DYNC2I2: variants seen among roughly 807,000 people sequenced by gnomAD.
DYNC2I2 encodes cytoplasmic dynein 2 intermediate chain 2.
A neutral mutation model predicts 52.0 loss-of-function variants in DYNC2I2; 39 were observed. The ratio of observed to expected loss-of-function variants is 0.75; its 90% confidence interval spans 0.58 to 0.98. DYNC2I2 has a LOEUF of 0.98. Among genes scored for constraint, DYNC2I2 ranks in the 50% least tolerant of loss-of-function variants. DYNC2I2 has a pLI of 0.00. For synonymous variants in DYNC2I2, 359 were observed against 321.1 expected (o/e 1.12, Z -1.26); for missense variants, 743 against 728.4 (o/e 1.02, Z -0.23).
intron 1 of DYNC2I2, among the ~76,000 whole-genome samples, chr9:128,655,782 C>G (rs896884107): frequency 1.4e-5 from 2 of 147,112 alleles, no homozygotes; most frequent in East Asian, 2.1e-4. Flanking sequence ...GTGCTGGCGG[C>G]CGCCTGTAGT....
chr9:128,635,885 T>C, intron 4 of DYNC2I2, 118 bp from the exon 5 acceptor site: 1 of 951,992 alleles, frequency 1.1e-6, no homozygotes, highest in Non-Finnish European at 1.6e-6. Context: ...GCAGAGCCAC[T>C]TGGCTGGAAG....
intron 1 of DYNC2I2, among the ~76,000 whole-genome samples, chr9:128,650,072 A>G (rs115797770): frequency 0.071 from 4,086 of 57,292 alleles, 1,396 homozygotes; most frequent in African/African-American, 0.13. Context: ...TGGTTCTCAA[A>G]CTTTGCTAAG....
At chr9:128,680,744 G>A in the DYNC2I2 span, among the ~76,000 whole-genome samples, 2 of 151,630 alleles carry the variant, frequency 1.3e-5, no homozygotes, top group African/African-American at 4.8e-5. Context: ...GCGTGATCTC[G>A]GTTCACTGCA....
chr9:128,666,917 T>G, the DYNC2I2 span, among the ~76,000 whole-genome samples: 5 of 151,716 alleles, frequency 3.3e-5, no homozygotes, highest in Admixed American at 3.3e-4. Context: ...ATACAAAAAT[T>G]AGGCCAGGCG....
At position 128,636,419 on chromosome 9, in the gene DYNC2I2, T is replaced by C. The variant is rs747456367; in HGVS notation, c.565A>G (p.Ser189Gly). 1.2e-6 allele frequency: 2 copies of C among 1,607,452 alleles called. No homozygotes were observed. Among genetic ancestry groups the C allele is most frequent in the Non-Finnish European group, 1.7e-6 (2 of 1,178,564 alleles). ...GCACACACGAAGGACTTAAGCGTGC[T>C]CCAGTCCCCATGGTCCAGCCTGTGC... The part of the protein sequence containing the change: ...AYGRLDHGDW[S>G]TLKSFVCAWN... The change falls in exon 4 of 9, where the codon AGC (serine) becomes GGC (glycine). Residue 189 changes from serine to glycine, a missense_variant. Coordinates refer to ENST00000372715, the MANE Select transcript of DYNC2I2 (RefSeq NM_052844.4).
chr9:128,635,458 G>C, intron 5 of DYNC2I2, 199 bp from the exon 6 acceptor site: 1 of 799,140 alleles, frequency 1.3e-6, no homozygotes, highest in Non-Finnish European at 1.9e-6. Flanking sequence ...CTGCTCACTC[G>C]GTGCCTGCAG....
At chr9:128,649,705 A>AAAAAAAAAAAC (rs1564344280) in intron 1 of DYNC2I2, among the ~76,000 whole-genome samples, 10 of 143,536 alleles carry the variant, frequency 7.0e-5, no homozygotes, top group African/African-American at 2.7e-4. Context: ...AAAAAAAAAA[A>AAAAAAAAAAAC]AAAACTGGGC....
chr9:128,680,387 T>C, the DYNC2I2 span, among the ~76,000 whole-genome samples: 1 of 149,420 alleles, frequency 6.7e-6, no homozygotes, highest in African/African-American at 2.5e-5. Context: ...ATTATTATTA[T>C]ATTTTTTTGA....
chr9:128,668,825 A>C, the DYNC2I2 span, among the ~76,000 whole-genome samples: 1 of 139,144 alleles, frequency 7.2e-6, no homozygotes, highest in Non-Finnish European at 1.6e-5. Flanking sequence ...AAAAAAAAGG[A>C]AAAAAAAAAA....
chr9:128,636,534 T>C, intron 3 of DYNC2I2, 96 bp from the exon 4 acceptor site: 1 of 1,400,354 alleles, frequency 7.1e-7, no homozygotes, highest in Non-Finnish European at 9.7e-7. Context: ...ACACTCGCTG[T>C]GTCCTTGTCA....
At chr9:128,646,203 T>G (rs1564343022) in intron 1 of DYNC2I2, among the ~76,000 whole-genome samples, 1 of 152,138 alleles carries the variant, frequency 6.6e-6, no homozygotes, top group Non-Finnish European at 1.5e-5. Flanking sequence ...AGATTTTCTT[T>G]TTGTTGTTGT....
At chr9:128,635,985 C>T (rs761799950) in intron 4 of DYNC2I2, 1 of 671,022 alleles carries the variant, frequency 1.5e-6, no homozygotes, top group Admixed American at 2.5e-5. Context: ...CACCTGGCAG[C>T]TCCCTCCAGC....
Position 128,634,786 on chromosome 9 carries a change from G to A in DYNC2I2, c.1117C>T (p.Arg373Trp), listed in dbSNP as rs146903531. 5.5e-5 allele frequency: 89 copies of A among 1,611,152 alleles called. No individual in the cohort carries two copies. The African/African-American group carries it at 9.9e-4, about 18-fold the overall frequency. The stretch of plus-strand genomic sequence containing the variant: ...CGCAGGGGCACGGAGCTGGGCATCC[G>A]CGTGAGGGCTGCCTCTCCAGCTGCC... ...SLAAGEAALT[R>W]MPSSVPLRAP... The change falls in exon 7 of 9, where the codon CGG becomes TGG. Residue 373 changes from arginine (R) to tryptophan (W), a missense_variant. Coordinates refer to ENST00000372715, the MANE Select transcript of DYNC2I2 (RefSeq NM_052844.4).
At chr9:128,671,371 A>T in the DYNC2I2 span, among the ~76,000 whole-genome samples, 1 of 145,226 alleles carries the variant, frequency 6.9e-6, no homozygotes, top group South Asian at 2.1e-4. Flanking sequence ...ACTTGATTTC[A>T]GTTCACTGCA....
At chr9:128,658,749 CAG>C (rs955460372), upstream of DYNC2I2, among the ~76,000 whole-genome samples, 7 of 105,204 alleles carry the variant, frequency 6.7e-5, no homozygotes, top group African/African-American at 1.1e-4. Context: ...TTTTTTGAGA[CAG>C]GGTCTGGCTG....
At chr9:128,643,715 A>G (rs748340467) in intron 1 of DYNC2I2, among the ~76,000 whole-genome samples, 4 of 152,106 alleles carry the variant, frequency 2.6e-5, no homozygotes, top group Admixed American at 6.6e-5. Context: ...GACTCTGGGA[A>G]TCGTGGAAAG....
At chr9:128,650,526 CATATAT>C (rs57194999) in intron 1 of DYNC2I2, among the ~76,000 whole-genome samples, 25 of 41,374 alleles carry the variant, frequency 6.0e-4, no homozygotes, top group Non-Finnish European at 6.2e-4. Context: ...GGCCAAAGAC[CATATAT>C]ATATATATAT....
the DYNC2I2 span, chr9:128,683,413 G>T: frequency 4.5e-6 from 1 of 220,444 alleles, no homozygotes; most frequent in East Asian, 6.6e-5. Context: ...CGGGCAGTGG[G>T]GGTGTGGTTT....
chr9:128,676,320 T>C, the DYNC2I2 span, among the ~76,000 whole-genome samples: 1 of 151,964 alleles, frequency 6.6e-6, no homozygotes, highest in African/African-American at 2.4e-5. Flanking sequence ...TGAAACCCCA[T>C]CTCTACTAAA....
Sources: gnomAD v4.1 joint callset for allele counts (sites outside exome capture counted in the v4.1 genomes callset) on GRCh38, gnomAD v4.1.1 for gene constraint, MANE v1.5 for transcripts, NCBI Gene and HGNC (gene_info 2026-07-23, HGNC 2026-07-21) for gene names.